NUP210: variants seen among roughly 807,000 people sequenced by gnomAD.
NUP210 encodes the protein nuclear pore membrane glycoprotein 210.
NUP210 carries 151 observed loss-of-function variants against 196.0 expected under a neutral mutation model. That is an observed-to-expected ratio of 0.77 (90% CI 0.67 to 0.88). The LOEUF (loss-of-function observed/expected upper bound fraction) is 0.88, where lower values mean the gene tolerates loss of function less well. NUP210 is among the 40% of genes least tolerant of loss of function. The pLI is 0.00. For missense variants in NUP210, 2,314 were observed against 2,493.7 expected, an observed-to-expected ratio of 0.93 and a Z score of 1.53; for synonymous variants, 1,070 against 1,052.7, an observed-to-expected ratio of 1.02 and a Z score of -0.32.
At chr3:13,343,001 G>A (rs1271662283) in intron 21 of NUP210, among the ~76,000 whole-genome samples, 174 bp downstream of exon 21, 3 of 152,210 alleles carry the variant, frequency 2.0e-5, no homozygotes, top group Non-Finnish European at 2.9e-5. Flanking sequence ...AAGGGACTCT[G>A]GATCCTCCAC....
At chr3:13,343,092 T>C in intron 21 of NUP210, 83 bp downstream of exon 21, 1 of 1,536,968 alleles carries the variant, frequency 6.5e-7, no homozygotes, top group Non-Finnish European at 8.9e-7. Context: ...GCAAAGGCCA[T>C]GCGGAACATT....
chr3:13,400,799 C>T (rs181145164), intron 1 of NUP210, among the ~76,000 whole-genome samples: 51 of 152,264 alleles, frequency 3.3e-4, no homozygotes, highest in South Asian at 1.9e-3. Flanking sequence ...GCCACTAAGC[C>T]GTGCCTGGCG....
chr3:13,330,496 G>C lies in NUP210; in HGVS notation c.4074C>G (p.Pro1358=). ...CAATGATGGTTTGGTTGGCCCCAAA[G>C]GGCTCTTGTGCAATCACTTCGATGG... The part of the protein sequence containing the change: ...TSTIEVIAQE[P]FGANQTIIVA... Residue 1358 remains proline (P), a synonymous_variant, in exon 30 of 40, where the codon CCC becomes CCG. Transcript: ENST00000254508. The C allele has an allele frequency of 6.2e-7, 1 of 1,614,144 alleles. No homozygotes were observed. The highest frequency in any genetic ancestry group is 8.5e-7 in the Non-Finnish European group (1 of 1,180,010).
At chr3:13,418,614 C>T (rs1214902771) in intron 1 of NUP210, among the ~76,000 whole-genome samples, 1 of 151,886 alleles carries the variant, frequency 6.6e-6, no homozygotes, top group Non-Finnish European at 1.5e-5. Flanking sequence ...ATAGTGAAAC[C>T]CCGTCTCTAC....
chr3:13,319,060 G>A lies in NUP210; in HGVS notation c.5563+12C>T. On this transcript the variant is annotated intron_variant, in intron 39 of 39. Coordinates refer to ENST00000254508, the MANE Select transcript of NUP210 (RefSeq NM_024923.4). ...AGCTCTGCCTGGTTGTGCCTGCAGG[G>A]GGGCTACTCACAGTGGGGGCTGTGT... The A allele has an allele frequency of 1.9e-6, 3 of 1,594,294 alleles. No homozygotes were observed. Among genetic ancestry groups the A allele is most frequent in the Non-Finnish European group, 2.6e-6 (3 of 1,172,418 alleles).
chr3:13,399,662 C>T (rs1699771445), intron 2 of NUP210, 63 bp downstream of exon 2: 1 of 1,610,526 alleles, frequency 6.2e-7, no homozygotes, highest in South Asian at 1.1e-5. Flanking sequence ...GACCCTGGGT[C>T]TTAGTGGGCG....
At chr3:13,417,155 G>T (rs1408627482) in intron 1 of NUP210, among the ~76,000 whole-genome samples, 1 of 152,150 alleles carries the variant, frequency 6.6e-6, no homozygotes, top group Admixed American at 6.6e-5. Context: ...GCGTGGGACA[G>T]GGAGGGGTCC....
At chr3:13,361,918 T>C (rs1323320315) in intron 14 of NUP210, among the ~76,000 whole-genome samples, 1 of 152,032 alleles carries the variant, frequency 6.6e-6, no homozygotes, top group African/African-American at 2.4e-5. Context: ...CTCCTGTCCT[T>C]GTCTCACTTA....
chr3:13,358,321 CTT>C lies in NUP210; in HGVS notation c.2227_2228del (p.Lys743ValfsTer79). On this transcript the variant is annotated frameshift_variant, in exon 16 of 40. Coordinates refer to ENST00000254508, the MANE Select transcript of NUP210 (RefSeq NM_024923.4). LOFTEE classifies it high-confidence loss of function. The part of the protein sequence containing the change: ...PFPAVEPAVV[K>X]FVCAPPSRLT... ...GCCTGGACGGTGGGGCGCAGACGAACTTCACCACGGCAGGCTCCACCGCAGGA... is the reference window on the plus strand; with the variant it reads ...GCCTGGACGGTGGGGCGCAGACGAACCACCACGGCAGGCTCCACCGCAGGA... 1 of 1,613,844 alleles carries C rather than the reference CTT, an allele frequency of 6.2e-7. No homozygotes were observed. The highest frequency in any genetic ancestry group is 8.5e-7 in the Non-Finnish European group (1 of 1,179,916).
Position 13,323,459 on chromosome 3 carries a change from T to G in NUP210, c.4645-27A>C. 2 of 1,613,308 alleles carry G rather than the reference T, an allele frequency of 1.2e-6. No homozygotes were observed. The highest frequency in any genetic ancestry group is 1.7e-6 in the Non-Finnish European group (2 of 1,179,670). ...TAGAGAGGGAGCCAAGGAAGCTTCA[T>G]GGAGCGCCGCCTGTGTCCCGGTCCA... On this transcript the variant is annotated intron_variant, in intron 33 of 39. Coordinates refer to ENST00000254508, the MANE Select transcript of NUP210 (RefSeq NM_024923.4). This position sits in a 1 kb window ranked among gnomAD's most constrained non-coding sequence, Gnocchi z 4.3.
Position 13,319,152 on chromosome 3 carries a change from T to TA in NUP210, c.5482dup (p.Tyr1828LeufsTer113). 1 of 1,611,056 alleles carries TA rather than the reference T, an allele frequency of 6.2e-7. No homozygotes were observed. Among genetic ancestry groups the TA allele is most frequent in the Non-Finnish European group, 8.5e-7 (1 of 1,178,696 alleles). Reference sequence around the variant, plus strand: ...ATCCCGGGGCGTGCAGACAGTGTGGTAGGCTGCAAGAGCACAGGGTTGGTT... The same window carrying TA: ...ATCCCGGGGCGTGCAGACAGTGTGGTAAGGCTGCAAGAGCACAGGGTTGGTT... On this transcript the variant is annotated frameshift_variant, in exon 39 of 40. Transcript: ENST00000254508. LOFTEE classifies it high-confidence loss of function.
rs191353475 is a variant in NUP210 at position 13,336,662 on chromosome 3, G to A, written c.3684+125C>T. ...CCTCGGGAGAGGGAAGAAAGTGGGC[G>A]GGCCTCTCTAGGTGTGAGGGTGGGG... is the stretch of plus-strand genomic sequence containing the variant. On this transcript the variant is annotated intron_variant, in intron 27 of 39. Transcript: ENST00000254508. The A allele has an allele frequency of 3.9e-3, 3,950 of 1,004,666 alleles. 15 individuals carry two copies. The highest frequency in any genetic ancestry group is 0.011 in the Middle Eastern group (38 of 3,454). The allele number at this position is 1,004,666 out of a possible 1,614,324, so 62.2% of individuals were successfully genotyped here.
At chr3:13,331,586 C>T (rs1393660378) in intron 29 of NUP210, among the ~76,000 whole-genome samples, 1 of 152,206 alleles carries the variant, frequency 6.6e-6, no homozygotes, top group Non-Finnish European at 1.5e-5. Context: ...ATAGCCTTCT[C>T]CTGCTACCCT....
intron 1 of NUP210, among the ~76,000 whole-genome samples, chr3:13,409,056 G>T (rs1163961452): frequency 1.3e-5 from 2 of 152,124 alleles, no homozygotes; most frequent in Non-Finnish European, 2.9e-5. Context: ...GTAAGTCCAG[G>T]GTCTGTAGGC....
intron 27 of NUP210, among the ~76,000 whole-genome samples, chr3:13,336,199 C>G (rs2470496): frequency 6.6e-6 from 1 of 152,184 alleles, no homozygotes; most frequent in African/African-American, 2.4e-5. Flanking sequence ...CTGAATCAGG[C>G]AGGGAGCGAC....
At chr3:13,400,719 C>T (rs909400309) in intron 1 of NUP210, among the ~76,000 whole-genome samples, 3 of 152,146 alleles carry the variant, frequency 2.0e-5, no homozygotes, top group African/African-American at 7.2e-5. Flanking sequence ...TGGGGTGAAG[C>T]AGGGCCATGG....
At chr3:13,401,055 C>T (rs112329765) in intron 1 of NUP210, among the ~76,000 whole-genome samples, 3 of 151,966 alleles carry the variant, frequency 2.0e-5, no homozygotes, top group African/African-American at 4.8e-5. Flanking sequence ...GTCAGGAGTT[C>T]GAGACCAGCC....
At chr3:13,391,704 G>C (rs1345652188) in intron 3 of NUP210, among the ~76,000 whole-genome samples, 1 of 139,990 alleles carries the variant, frequency 7.1e-6, no homozygotes, top group African/African-American at 2.6e-5. Context: ...CACTTCCTGG[G>C]AGTAAACTCC....
chr3:13,370,220 C>T (rs566155938), intron 13 of NUP210, among the ~76,000 whole-genome samples: 5 of 152,270 alleles, frequency 3.3e-5, no homozygotes, highest in Admixed American at 1.3e-4. Context: ...CATGCACACT[C>T]CACACCAGGG....
Sources: allele counts gnomAD v4.1 joint callset (sites outside exome capture counted in the v4.1 genomes callset), GRCh38; gene constraint gnomAD v4.1.1; non-coding constraint Gnocchi (gnomAD v3.1); transcripts MANE v1.5; gene names NCBI Gene and HGNC (gene_info 2026-07-23, HGNC 2026-07-21).